Variants in CRTAC1 observed in about 807,000 individuals in gnomAD.
CRTAC1 encodes acidic secreted protein in cartilage.
A neutral mutation model predicts 67.8 loss-of-function variants in CRTAC1; 37 were observed. That is an observed-to-expected ratio of 0.55 (90% confidence interval 0.42 to 0.72). The LOEUF is 0.72. CRTAC1 is among the 30% of genes least tolerant of loss of function. CRTAC1 has a pLI of 0.00. For synonymous variants in CRTAC1, 348 were observed against 371.0 expected, an observed-to-expected ratio of 0.94 and a Z score of 0.71; for missense variants, 780 against 931.6, an observed-to-expected ratio of 0.84 and a Z score of 2.12.
intron 5 of CRTAC1, among the ~76,000 whole-genome samples, chr10:97,910,597 G>C (rs1382634401): frequency 6.6e-6 from 1 of 152,234 alleles, no homozygotes; most frequent in Non-Finnish European, 1.5e-5. Context: ...CCTGTGTAAA[G>C]AAAGGCCAGG....
At chr10:97,924,984 G>A (rs1015458723) in intron 3 of CRTAC1, among the ~76,000 whole-genome samples, 24 of 152,140 alleles carry the variant, frequency 1.6e-4, no homozygotes, top group African/African-American at 5.3e-4. Context: ...GTGTGTGAGT[G>A]GGCTGGGCAC....
chr10:97,909,907 C>T lies in CRTAC1; in HGVS notation c.716-1760G>A, dbSNP rs535647763. 3.1e-4 allele frequency among the ~76,000 whole-genome samples: 47 copies of T among 152,208 alleles called. 1 individual carries two copies. The East Asian group carries it at 7.9e-3, about 26-fold the overall frequency. On this transcript the variant is annotated intron_variant, in intron 5 of 14. Transcript: ENST00000370597. ...AAGAAAATCCTGTCATTTGTGACAA[C>T]GTGGATGAACCTGGAGGACATTATG...
At chr10:97,981,000 T>C (rs966646786) in intron 2 of CRTAC1, among the ~76,000 whole-genome samples, 13 of 152,188 alleles carry the variant, frequency 8.5e-5, no homozygotes, top group African/African-American at 3.1e-4. Context: ...AGAATCCCTG[T>C]GATTCTTGAC....
chr10:97,957,124 A>G lies in CRTAC1; in HGVS notation c.225-20758T>C, dbSNP rs1442323190. Among the ~76,000 whole-genome samples the G allele has an allele frequency of 5.3e-5, 8 of 152,042 alleles. No individual in the cohort carries two copies. In the East Asian group the frequency reaches 1.6e-3, roughly 29 times the overall value. On this transcript the variant is annotated intron_variant, in intron 2 of 14. Coordinates refer to ENST00000370597, the MANE Select transcript of CRTAC1 (RefSeq NM_018058.7). ...ACCACTGTGCCCAGCCAGGGCACTTATGTTAAGAGAAGGGGACCTCTCTTT... is the reference window on the plus strand; with the variant it reads ...ACCACTGTGCCCAGCCAGGGCACTTGTGTTAAGAGAAGGGGACCTCTCTTT...
chr10:97,951,105 G>A (rs894172729), intron 2 of CRTAC1, among the ~76,000 whole-genome samples: 5 of 152,190 alleles, frequency 3.3e-5, no homozygotes, highest in East Asian at 1.9e-4. Flanking sequence ...AATGGGCCAC[G>A]TGGTGTTGGA....
rs1286832902 is a variant in CRTAC1 at position 98,011,331 on chromosome 10, T to C, written c.31A>G (p.Arg11Gly). The C allele has an allele frequency of 6.2e-7, 1 of 1,613,802 alleles. No individual in the cohort carries two copies. Among genetic ancestry groups the C allele is most frequent in the Non-Finnish European group, 8.5e-7 (1 of 1,180,020 alleles). The change falls in exon 2 of 15, where the codon AGG becomes GGG. Residue 11 changes from arginine to glycine, a missense_variant. Arg to Gly is a moderately radical substitution (Grantham distance 125). Transcript: ENST00000370597. MAPSADPGMS[R>G]MLPFLLLLWF... ...AGCAGCAGCAGGAACGGTAACATCC[T>C]GGACATCTGAAACCAAAAGTGACAA...
chr10:98,025,893 C>G (rs1190716196), intron 1 of CRTAC1, among the ~76,000 whole-genome samples: 1 of 152,208 alleles, frequency 6.6e-6, no homozygotes, highest in Non-Finnish European at 1.5e-5. Context: ...AATTTCTTTT[C>G]CCCAAGCATG....
chr10:97,924,721 T>C (rs1564897089), intron 3 of CRTAC1, among the ~76,000 whole-genome samples: 1 of 152,186 alleles, frequency 6.6e-6, no homozygotes, highest in Non-Finnish European at 1.5e-5. Flanking sequence ...ACCAAAGTGG[T>C]AGCTATTTTT....
intron 2 of CRTAC1, among the ~76,000 whole-genome samples, chr10:97,953,634 C>T (rs2051395494): frequency 6.6e-6 from 1 of 152,160 alleles, no homozygotes; most frequent in Admixed American, 6.5e-5. Context: ...ATGGCTTAAT[C>T]CTCTCAGCAA....
rs998067116 is a variant in CRTAC1 at position 97,895,711 on chromosome 10, G to C, written c.1317+174C>G. ...GAGAGGCAAGGGCTTCTCCCAAGGC[G>C]GCCCTTCCTGAGCTTCCCGGTGCTG... On this transcript the variant is annotated intron_variant, in intron 10 of 14. Transcript: ENST00000370597. The surrounding 1 kb of genome is among the most constrained non-coding windows in gnomAD (Gnocchi z 4.2). Among the ~76,000 whole-genome samples the C allele has an allele frequency of 1.3e-4, 20 of 152,072 alleles. No individual in the cohort carries two copies. The highest frequency in any genetic ancestry group is 4.3e-4 in the African/African-American group (18 of 41,396).
intron 8 of CRTAC1, among the ~76,000 whole-genome samples, chr10:97,898,776 A>G (rs2050495270): frequency 6.6e-6 from 1 of 151,922 alleles, no homozygotes; most frequent in African/African-American, 2.4e-5. Flanking sequence ...CATGGTGGAG[A>G]GTGAAGAGCA....
intron 14 of CRTAC1, among the ~76,000 whole-genome samples, chr10:97,875,524 G>A (rs1044901723): frequency 6.6e-6 from 1 of 152,192 alleles, no homozygotes. Context: ...TCCAGGATAT[G>A]CCTGTTGCTA....
Position 97,865,411 on chromosome 10 carries a change from C to CTAAG in CRTAC1, c.*133_*136dup. On this transcript the variant is annotated 3_prime_UTR_variant, in exon 15 of 15. Coordinates refer to ENST00000370597, the MANE Select transcript of CRTAC1 (RefSeq NM_018058.7). ...CCTTACGAGTCTCCCTAATTGTTAG[C>CTAAG]TAAGTAATGTGCATGGATGGGCTTG... 9.5e-7 allele frequency: 1 copy of CTAAG among 1,053,924 alleles called. No individual in the cohort carries two copies. Among genetic ancestry groups the CTAAG allele is most frequent in the East Asian group, 2.6e-5 (1 of 37,990 alleles). The allele number at this position is 1,053,924 out of a possible 1,614,324, so 65.3% of individuals were successfully genotyped here.
chr10:98,009,870 T>C (rs1243926671), intron 2 of CRTAC1, among the ~76,000 whole-genome samples: 3 of 152,120 alleles, frequency 2.0e-5, no homozygotes, highest in Non-Finnish European at 2.9e-5. Flanking sequence ...CTACTTACTA[T>C]TTACTTAGCA....
intron 2 of CRTAC1, among the ~76,000 whole-genome samples, chr10:97,998,894 C>T (rs1177622812): frequency 6.6e-6 from 1 of 152,090 alleles, no homozygotes; most frequent in Non-Finnish European, 1.5e-5. Flanking sequence ...TTAAGATAAT[C>T]TCAGAGTTTG....
chr10:97,963,629 T>A (rs914810414), intron 2 of CRTAC1, among the ~76,000 whole-genome samples: 4 of 152,238 alleles, frequency 2.6e-5, no homozygotes, highest in African/African-American at 9.6e-5. Flanking sequence ...ACTCTGATGG[T>A]TACTCACAGC....
chr10:97,953,413 A>G (rs999611926), intron 2 of CRTAC1, among the ~76,000 whole-genome samples: 1 of 152,156 alleles, frequency 6.6e-6, no homozygotes, highest in Non-Finnish European at 1.5e-5. Flanking sequence ...GTGTGATAGC[A>G]GCCCAGCCGG....
chr10:97,898,341 C>A (rs2050489621), intron 8 of CRTAC1, among the ~76,000 whole-genome samples: 1 of 152,168 alleles, frequency 6.6e-6, no homozygotes, highest in Non-Finnish European at 1.5e-5. Context: ...GTTGGGGAAG[C>A]TCACCCAGAT....
intron 9 of CRTAC1, 52 bp from the exon 10 acceptor site, chr10:97,896,037 G>T (rs777568041): frequency 1.3e-6 from 2 of 1,516,962 alleles, no homozygotes; most frequent in Non-Finnish European, 1.8e-6. Context: ...GACCCACAAA[G>T]GAGACACGCT....
Sources: allele counts gnomAD v4.1 joint callset (sites outside exome capture counted in the v4.1 genomes callset), GRCh38; gene constraint gnomAD v4.1.1; non-coding constraint Gnocchi (gnomAD v3.1); transcripts MANE v1.5; gene names NCBI Gene and HGNC (gene_info 2026-07-23, HGNC 2026-07-21).